DCUN1D4: variants seen among roughly 807,000 people sequenced by gnomAD.
DCUN1D4 encodes defective in cullin neddylation 1 domain containing 4.
DCUN1D4 carries 22 observed loss-of-function variants against 47.9 expected under a neutral mutation model. The ratio of observed to expected loss-of-function variants is 0.46; its 90% CI spans 0.33 to 0.66. DCUN1D4 has a LOEUF of 0.66. Among genes scored for constraint, DCUN1D4 ranks in the 30% least tolerant of loss-of-function variants. The pLI is 0.02. For missense variants in DCUN1D4, 301 were observed against 340.8 expected (o/e 0.88, Z 0.92); for synonymous variants, 121 against 112.2 (o/e 1.08, Z -0.50).
intron 1 of DCUN1D4, among the ~76,000 whole-genome samples, chr4:51,857,046 C>T (rs116378775): frequency 3.0e-3 from 459 of 152,166 alleles, no homozygotes; most frequent in Non-Finnish European, 5.2e-3. Flanking sequence ...CGACTCATAC[C>T]GTATTGTGAG....
chr4:51,881,578 G>A (rs1728625736), intron 5 of DCUN1D4, among the ~76,000 whole-genome samples: 1 of 149,014 alleles, frequency 6.7e-6, no homozygotes, highest in Admixed American at 6.8e-5. Flanking sequence ...CTGGATTATT[G>A]TCAGTATATC....
chr4:51,857,290 C>G (rs1449316774), intron 1 of DCUN1D4, among the ~76,000 whole-genome samples: 1 of 152,192 alleles, frequency 6.6e-6, no homozygotes, highest in African/African-American at 2.4e-5. Context: ...TCTCTCCTCT[C>G]CATTTTTACA....
In DCUN1D4 at chr4:51,843,200, G is replaced by A. The variant is rs1721866983; in HGVS notation, c.-43G>A. On this transcript the variant is annotated 5_prime_UTR_variant, in exon 1 of 11. Coordinates refer to ENST00000334635, the MANE Select transcript of DCUN1D4 (RefSeq NM_001040402.3). Reference sequence around the variant, plus strand: ...AGCTGGTGGGGGGACCGCGAGGCGAGCGCGGGAGCCTGGGCGGCGAGCCGG... The same window carrying A: ...AGCTGGTGGGGGGACCGCGAGGCGAACGCGGGAGCCTGGGCGGCGAGCCGG... 2.6e-6 allele frequency: 4 copies of A among 1,538,340 alleles called. No homozygotes were observed. Among genetic ancestry groups the A allele is most frequent in the Non-Finnish European group, 3.5e-6 (4 of 1,142,828 alleles).
intron 3 of DCUN1D4, among the ~76,000 whole-genome samples, chr4:51,869,150 A>G (rs1726460963): frequency 7.1e-6 from 1 of 141,356 alleles, no homozygotes; most frequent in Admixed American, 6.9e-5. Flanking sequence ...AAAAAAGTCA[A>G]TCAGAGAGGA....
chr4:51,858,476 C>T (rs150137820), intron 1 of DCUN1D4, among the ~76,000 whole-genome samples: 127 of 152,268 alleles, frequency 8.3e-4, no homozygotes, highest in African/African-American at 2.7e-3. Flanking sequence ...GCCCTGAGCC[C>T]ATGATAAGTT....
At chr4:51,857,309 C>CT (rs1724287979) in intron 1 of DCUN1D4, among the ~76,000 whole-genome samples, 1 of 152,182 alleles carries the variant, frequency 6.6e-6, no homozygotes, top group Admixed American at 6.5e-5. Flanking sequence ...CAGCCAGTGT[C>CT]TAACTTACGG....
intron 3 of DCUN1D4, chr4:51,865,063 G>A (rs1307022362): frequency 4.4e-6 from 1 of 226,610 alleles, no homozygotes; most frequent in African/African-American, 2.3e-5. Flanking sequence ...ATTCTTTCCA[G>A]TGGAACCCAA....
intron 7 of DCUN1D4, among the ~76,000 whole-genome samples, chr4:51,895,559 T>TA (rs67542268): frequency 3.4e-4 from 30 of 88,504 alleles, no homozygotes; most frequent in East Asian, 3.3e-3. Flanking sequence ...TGCTTAAACT[T>TA]AAAAAAAAAA....
intron 3 of DCUN1D4, among the ~76,000 whole-genome samples, chr4:51,866,457 C>T (rs868746903): frequency 1.3e-5 from 2 of 152,030 alleles, no homozygotes; most frequent in Non-Finnish European, 2.9e-5. Flanking sequence ...GCCACTTTTC[C>T]ACTCAGTATA....
upstream of DCUN1D4, among the ~76,000 whole-genome samples, chr4:51,840,379 T>A (rs936660807): frequency 6.6e-6 from 1 of 152,212 alleles, no homozygotes; most frequent in Admixed American, 6.5e-5. Flanking sequence ...ATAGTAACTT[T>A]CAGATGGGAA....
chr4:51,887,882 T>A (rs1729750822), intron 6 of DCUN1D4, among the ~76,000 whole-genome samples: 1 of 151,978 alleles, frequency 6.6e-6, no homozygotes, highest in Admixed American at 6.6e-5. Context: ...TTACATAGAT[T>A]TTTATCTTGG....
At chr4:51,833,898 T>A in the DCUN1D4 span, among the ~76,000 whole-genome samples, 1 of 152,022 alleles carries the variant, frequency 6.6e-6, no homozygotes, top group Admixed American at 6.5e-5. Context: ...GAAGGCTTAA[T>A]GGAGGTGAGC....
chr4:51,913,899 T>C lies in DCUN1D4; in HGVS notation c.*315T>C. 1 of 255,382 alleles carries C rather than the reference T, an allele frequency of 3.9e-6. No homozygotes were observed. Among genetic ancestry groups the C allele is most frequent in the East Asian group, 7.4e-5 (1 of 13,514 alleles). 15.8% of individuals were successfully genotyped at this position (255,382 alleles called of 1,614,324 possible). On this transcript the variant is annotated 3_prime_UTR_variant, in exon 11 of 11. Transcript: ENST00000334635. The stretch of plus-strand genomic sequence containing the variant: ...GGAAAAAGGTTCACCTAGAGATTAT[T>C]TCTGAAAAATGTATTGTAAAAATAA...
At chr4:51,840,236 T>G (rs1340676998), upstream of DCUN1D4, among the ~76,000 whole-genome samples, 2 of 152,126 alleles carry the variant, frequency 1.3e-5, no homozygotes, top group Non-Finnish European at 2.9e-5. Context: ...ATGGGGATCA[T>G]GTTCTTTGGG....
At chr4:51,848,409 C>T (rs1290570382) in intron 1 of DCUN1D4, 1 of 1,071,836 alleles carries the variant, frequency 9.3e-7, no homozygotes, top group South Asian at 2.7e-5. Flanking sequence ...CTTTTCCCTT[C>T]TTTTTGTTTT....
At chr4:51,847,324 G>A (rs938692134) in intron 1 of DCUN1D4, among the ~76,000 whole-genome samples, 1 of 152,170 alleles carries the variant, frequency 6.6e-6, no homozygotes, top group South Asian at 2.1e-4. Flanking sequence ...GACTTGTAAG[G>A]TACACAGAAA....
intron 1 of DCUN1D4, among the ~76,000 whole-genome samples, chr4:51,851,639 A>G (rs1410479039): frequency 6.6e-6 from 1 of 151,968 alleles, no homozygotes; most frequent in Non-Finnish European, 1.5e-5. Flanking sequence ...GAACTGAGAG[A>G]AGGAAAGAGA....
At chr4:51,909,323 G>A (rs1014695723) in intron 8 of DCUN1D4, 1 of 198,678 alleles carries the variant, frequency 5.0e-6, no homozygotes, top group African/African-American at 2.3e-5. Context: ...TGCATAAGCT[G>A]TTGTTCAACA....
intron 1 of DCUN1D4, among the ~76,000 whole-genome samples, chr4:51,862,243 A>G (rs1369993511): frequency 1.3e-5 from 2 of 152,238 alleles, no homozygotes; most frequent in African/African-American, 2.4e-5. Context: ...CTGACACTGC[A>G]TGTGAATGTG....
Sources: gnomAD v4.1 joint callset for allele counts (sites outside exome capture counted in the v4.1 genomes callset) on GRCh38, gnomAD v4.1.1 for gene constraint, MANE v1.5 for transcripts, NCBI Gene and HGNC (gene_info 2026-07-23, HGNC 2026-07-21) for gene names.